Variants in CYP2B6 observed in about 807,000 individuals in gnomAD.
CYP2B6 encodes the protein cytochrome P450 family 2 subfamily B member 6.
CYP2B6 carries 35 observed loss-of-function variants against 43.4 expected under a neutral mutation model. That is an observed-to-expected ratio of 0.81 (90% CI 0.62 to 1.07). The LOEUF is 1.07. CYP2B6 is among the 50% of genes least tolerant of loss of function. CYP2B6 has a pLI of 0.00. For missense variants in CYP2B6, 624 were observed against 632.8 expected, an observed-to-expected ratio of 0.99 and a Z score of 0.15; for synonymous variants, 239 against 239.2, an observed-to-expected ratio of 1.00 and a Z score of 0.01.
At position 41,004,349 on chromosome 19, in the gene CYP2B6, G is replaced by T; in HGVS notation, c.387G>T (p.Val129=). 6.2e-7 allele frequency: 1 copy of T among 1,614,028 alleles called. No homozygotes were observed. Among genetic ancestry groups the T allele is most frequent in the Non-Finnish European group, 8.5e-7 (1 of 1,180,018 alleles). The change falls in exon 3 of 9, where the codon GTG becomes GTT. Residue 129 remains valine, a synonymous_variant. Transcript: ENST00000324071. ...NRWKVLRRFS[V]TTMRDFGMGK... ...GGAAGGTGCTTCGGCGATTCTCTGT[G>T]ACCACTATGAGGGACTTCGGGATGG...
chr19:40,995,599 G>A (rs1230617973), intron 1 of CYP2B6, among the ~76,000 whole-genome samples: 4 of 152,208 alleles, frequency 2.6e-5, no homozygotes, highest in African/African-American at 9.7e-5. Context: ...AAGTATTATA[G>A]CCTTGCATTA....
At chr19:41,005,374 T>C (rs1296452186) in intron 3 of CYP2B6, among the ~76,000 whole-genome samples, 1 of 151,986 alleles carries the variant, frequency 6.6e-6, no homozygotes, top group Admixed American at 6.6e-5. Context: ...AGAGGCTGCA[T>C]GGGGAGGTAG....
At chr19:40,993,197 C>T (rs191502868) in intron 1 of CYP2B6, among the ~76,000 whole-genome samples, 1 of 152,140 alleles carries the variant, frequency 6.6e-6, no homozygotes, top group East Asian at 1.9e-4. Context: ...ATATAGTATC[C>T]TGGAGACCCA....
intron 4 of CYP2B6, among the ~76,000 whole-genome samples, chr19:41,008,494 A>G (rs1453144137): frequency 1.4e-5 from 2 of 139,500 alleles, no homozygotes. Flanking sequence ...TGTCACAGTT[A>G]TGGATTTTCA....
chr19:41,000,806 A>G (rs1969071201), intron 1 of CYP2B6, among the ~76,000 whole-genome samples: 1 of 152,040 alleles, frequency 6.6e-6, no homozygotes, highest in Non-Finnish European at 1.5e-5. Context: ...TGGGAGGCTG[A>G]AGCAGGTGGA....
chr19:41,008,345 G>C (rs997808350), intron 4 of CYP2B6, among the ~76,000 whole-genome samples: 1 of 144,806 alleles, frequency 6.9e-6, no homozygotes, highest in East Asian at 2.0e-4. Flanking sequence ...CCGAGCAGCC[G>C]GGACTATAGG....
intron 8 of CYP2B6, among the ~76,000 whole-genome samples, chr19:41,013,336 A>G (rs1390231536): frequency 6.6e-6 from 1 of 152,244 alleles, no homozygotes; most frequent in Non-Finnish European, 1.5e-5. Flanking sequence ...TAATTGTGAT[A>G]AGTGCTCTAA....
At position 41,003,988 on chromosome 19, in the gene CYP2B6, A is replaced by T. The variant is rs758919384; in HGVS notation, c.172-13A>T. Reference sequence around the variant, plus strand: ...TGACTAACAGCCACCCCTGGTGTGGATGTGATTGGCAGTTCCGAGAGAAAT... The same window carrying T: ...TGACTAACAGCCACCCCTGGTGTGGTTGTGATTGGCAGTTCCGAGAGAAAT... On this transcript the variant is annotated splice_polypyrimidine_tract_variant and intron_variant, in intron 1 of 8. Coordinates refer to ENST00000324071, the MANE Select transcript of CYP2B6 (RefSeq NM_000767.5). The T allele has an allele frequency of 9.3e-5, 150 of 1,611,066 alleles. No individual in the cohort carries two copies. The highest frequency in any genetic ancestry group is 1.2e-4 in the Non-Finnish European group (141 of 1,177,562).
intron 1 of CYP2B6, among the ~76,000 whole-genome samples, chr19:41,001,199 A>G (rs1311101837): frequency 6.6e-6 from 1 of 152,166 alleles, no homozygotes; most frequent in Non-Finnish European, 1.5e-5. Flanking sequence ...AAGCTGCTTA[A>G]CAATTTGTGG....
At chr19:41,009,787 G>A (rs1969249946) in intron 5 of CYP2B6, 1 of 627,494 alleles carries the variant, frequency 1.6e-6, no homozygotes, top group Non-Finnish European at 2.8e-6. Context: ...GAGAGAGATA[G>A]AAACAGAGTT....
At chr19:41,001,513 A>C (rs1969087262) in intron 1 of CYP2B6, among the ~76,000 whole-genome samples, 1 of 152,112 alleles carries the variant, frequency 6.6e-6, no homozygotes, top group South Asian at 2.1e-4. Context: ...CGTGTCTCAG[A>C]TTCAACCCGT....
rs371145482 is a variant in CYP2B6, at chr19:41,009,191, A to G, written c.646-28A>G. The G allele has an allele frequency of 2.0e-4, 326 of 1,602,180 alleles. 1 individual carries two copies. In the African/African-American group the frequency reaches 4.0e-3, roughly 20 times the overall value. ...GTGACCTGCTAGCTCAGCCCTAGGC[A>G]AACCTCACCACCCCTTCTTTCTTGC... On this transcript the variant is annotated intron_variant, in intron 4 of 8. Transcript: ENST00000324071.
intron 8 of CYP2B6, 94 bp downstream of exon 8, chr19:41,012,909 A>G (rs1969308030): frequency 1.1e-5 from 15 of 1,393,042 alleles, no homozygotes; most frequent in East Asian, 4.6e-5. Context: ...TTATTTGAGC[A>G]CTTAATATAT....
chr19:41,006,994 G>T lies in CYP2B6; in HGVS notation c.574G>T (p.Asp192Tyr). 6.2e-7 allele frequency: 1 copy of T among 1,614,012 alleles called. No homozygotes were observed. The highest frequency in any genetic ancestry group is 8.5e-7 in the Non-Finnish European group (1 of 1,180,006). ...CTTTGGAAAACGATTCCACTACCAAGATCAAGAGTTCCTGAAGATGCTGAA... is the reference window on the plus strand; with the variant it reads ...CTTTGGAAAACGATTCCACTACCAATATCAAGAGTTCCTGAAGATGCTGAA... ...IVFGKRFHYQ[D>Y]QEFLKMLNLF... The change falls in exon 4 of 9, where the codon GAT becomes TAT. Residue 192 changes from aspartate to tyrosine, a missense_variant. Coordinates refer to ENST00000324071, the MANE Select transcript of CYP2B6 (RefSeq NM_000767.5).
chr19:41,003,144 A>G (rs976334966), intron 1 of CYP2B6, among the ~76,000 whole-genome samples: 10 of 152,100 alleles, frequency 6.6e-5, no homozygotes, highest in African/African-American at 2.4e-4. Context: ...TTTCCTGGGT[A>G]TCCATTTGTT....
chr19:40,993,744 G>A (rs151181975), intron 1 of CYP2B6, among the ~76,000 whole-genome samples: 2 of 152,242 alleles, frequency 1.3e-5, no homozygotes, highest in Non-Finnish European at 1.5e-5. Flanking sequence ...CCTGAGAAAT[G>A]TCCTTAGTGT....
At position 40,992,677 on chromosome 19, in the gene CYP2B6, G is replaced by A. The variant is rs546636707; in HGVS notation, c.171+1201G>A. 1.3e-4 allele frequency among the ~76,000 whole-genome samples: 20 copies of A among 152,042 alleles called. No individual in the cohort carries two copies. In the East Asian group the frequency reaches 2.7e-3, roughly 21 times the overall value. On this transcript the variant is annotated intron_variant, in intron 1 of 8. Coordinates refer to ENST00000324071, the MANE Select transcript of CYP2B6 (RefSeq NM_000767.5). ...TGGAACTACAGGTGCATGCCACCAC[G>A]CCCAGCTAATTTTTGTATTTTTTGT...
At chr19:41,002,012 A>C (rs187712541) in intron 1 of CYP2B6, among the ~76,000 whole-genome samples, 19 of 152,266 alleles carry the variant, frequency 1.2e-4, no homozygotes, top group Non-Finnish European at 2.5e-4. Flanking sequence ...GGTGGCTACA[A>C]GAATCCTGAA....
chr19:41,010,206 A>G (rs1276138339), intron 6 of CYP2B6, 71 bp downstream of exon 6: 9 of 1,579,170 alleles, frequency 5.7e-6, no homozygotes, highest in Non-Finnish European at 8.7e-7. Context: ...GGCTATGGGT[A>G]CCACCTGGAT....
Sources: allele counts gnomAD v4.1 joint callset (sites outside exome capture counted in the v4.1 genomes callset), GRCh38; gene constraint gnomAD v4.1.1; transcripts MANE v1.5; gene names NCBI Gene and HGNC (gene_info 2026-07-23, HGNC 2026-07-21).